Variants in PRR14L observed in about 807,000 individuals in gnomAD.
PRR14L encodes proline rich 14 like.
PRR14L carries 80 observed loss-of-function variants against 155.0 expected under a neutral mutation model. The observed-to-expected ratio is 0.52, with a 90% CI of 0.43 to 0.62. The LOEUF (loss-of-function observed/expected upper bound fraction) is 0.62. Among genes scored for constraint, PRR14L ranks in the 20% least tolerant of loss-of-function variants. PRR14L has a pLI of 0.00. For synonymous variants in PRR14L, 883 were observed against 916.0 expected (o/e 0.96, Z 0.65); for missense variants, 2,469 against 2,548.0 (o/e 0.97, Z 0.67).
In PRR14L at chr22:31,714,525, T is replaced by A. The variant is rs1455182897; in HGVS notation, c.3314A>T (p.His1105Leu). ...TLSRRELDAA[H>L]TGTTGQDSDF... Reference sequence around the variant, plus strand: ...TGAATCCTGACCAGTTGTTCCTGTATGTGCAGCATCCAGTTCTCTCCGAGA... The same window carrying A: ...TGAATCCTGACCAGTTGTTCCTGTAAGTGCAGCATCCAGTTCTCTCCGAGA... The change falls in exon 4 of 9, where the codon CAT becomes CTT. Residue 1105 changes from histidine to leucine, a missense_variant. Physicochemically the swap from His to Leu is moderately conservative, Grantham distance 99. Around this residue, in one of 2 missense-constraint regions of PRR14L, gnomAD observed 2,363 missense variants for 2,371.6 expected, o/e 1.00. Coordinates refer to ENST00000327423, the MANE Select transcript of PRR14L (RefSeq NM_173566.3). 1.3e-6 allele frequency: 2 copies of A among 1,552,082 alleles called. No homozygotes were observed. Among genetic ancestry groups the A allele is most frequent in the African/African-American group, 2.7e-5 (2 of 73,078 alleles).
intron 1 of PRR14L, among the ~76,000 whole-genome samples, chr22:31,742,126 C>T (rs1006101428): frequency 3.9e-5 from 6 of 152,106 alleles, no homozygotes; most frequent in African/African-American, 1.2e-4. Flanking sequence ...CCAGTTTTCA[C>T]CTGTCACAGC....
intron 6 of PRR14L, among the ~76,000 whole-genome samples, chr22:31,703,341 C>A (rs2074572603): frequency 6.6e-6 from 1 of 152,208 alleles, no homozygotes; most frequent in South Asian, 2.1e-4. Flanking sequence ...AAAAAAGTAT[C>A]TGGAAAACAA....
intron 7 of PRR14L, among the ~76,000 whole-genome samples, chr22:31,698,866 G>A (rs1298052690): frequency 6.6e-6 from 1 of 151,154 alleles, no homozygotes. Context: ...AGCTTGCAGT[G>A]AGCCGAGATC....
chr22:31,731,199 A>C (rs2074747116), intron 2 of PRR14L, among the ~76,000 whole-genome samples: 1 of 152,122 alleles, frequency 6.6e-6, no homozygotes, highest in Non-Finnish European at 1.5e-5. Flanking sequence ...CATTGCTACA[A>C]GGTGTCTGTT....
At position 31,716,610 on chromosome 22, in the gene PRR14L, C is replaced by G. The variant is rs755498148; in HGVS notation, c.1229G>C (p.Gly410Ala). ...CCTGGCATTAAAAAGAAAAGGTCCA[C>G]CTCTTTCACTCCTAGGAATCAAAAG... ...ERLLIPRSER[G>A]GPFLFNAREP... The change falls in exon 4 of 9, where the codon GGT becomes GCT. Residue 410 changes from glycine to alanine, a missense_variant. Physicochemically the swap from Gly to Ala is moderately conservative, Grantham distance 60. Transcript: ENST00000327423. The G allele has an allele frequency of 3.8e-5, 59 of 1,551,610 alleles. No homozygotes were observed. The highest frequency in any genetic ancestry group is 3.3e-4 in the Middle Eastern group (2 of 6,016).
chr22:31,742,630 G>A (rs1054123925), intron 1 of PRR14L, among the ~76,000 whole-genome samples: 5 of 152,132 alleles, frequency 3.3e-5, no homozygotes, highest in African/African-American at 7.2e-5. Context: ...GCCTCCCAAA[G>A]TGCTGGGATT....
Position 31,738,253 on chromosome 22 carries a change from A to G in PRR14L, c.474+134T>C. The G allele has an allele frequency of 7.8e-6, 6 of 765,782 alleles. No individual in the cohort carries two copies. In the South Asian group the frequency reaches 1.2e-4, roughly 15 times the overall value. The allele number at this position is 765,782 out of a possible 1,614,324, so 47.4% of individuals were successfully genotyped here. ...AAATGTTTTAAAAGATCATCAAAAC[A>G]AAGTTAACTTCAAAATCGACATTTC... On this transcript the variant is annotated intron_variant, in intron 2 of 8. Transcript: ENST00000327423.
rs932974213 is a variant in PRR14L, at chr22:31,714,993, A to T, written c.2846T>A (p.Met949Lys). ...TTTTACATTTTTAAAACTGGAGAAC[A>T]TAACAGTAGGAGACTGGTCCAACAC... ...EKVLDQSPTVMFSSFKNVKSV... is the reference protein window; with the variant it reads ...EKVLDQSPTVKFSSFKNVKSV... The change falls in exon 4 of 9, where the codon ATG becomes AAG. Residue 949 changes from methionine (M) to lysine (K), a missense_variant. By Grantham distance (95) the Met-to-Lys change is moderately conservative (BLOSUM62 -1). This residue lies in a region of PRR14L where 2,363 missense variants were observed against 2,371.6 expected (regional missense o/e 1.00). Transcript: ENST00000327423. The T allele has an allele frequency of 2.6e-6, 4 of 1,552,186 alleles. No individual in the cohort carries two copies.
chr22:31,740,394 A>G (rs138281), intron 1 of PRR14L, among the ~76,000 whole-genome samples: 53,224 of 151,952 alleles, frequency 0.35, 11,358 homozygotes, highest in Middle Eastern at 0.54. Context: ...TAATTTTTGT[A>G]TTTTTAGTAG....
chr22:31,698,299 A>T (rs1002455343), intron 7 of PRR14L, among the ~76,000 whole-genome samples: 3 of 148,840 alleles, frequency 2.0e-5, no homozygotes, highest in Admixed American at 2.0e-4. Flanking sequence ...TGCTGTGATT[A>T]CAGGCATGAG....
In PRR14L at chr22:31,690,796, C is replaced by T. The variant is rs968603352; in HGVS notation, c.6108-2569G>A. On this transcript the variant is annotated intron_variant, in intron 7 of 8. Coordinates refer to ENST00000327423, the MANE Select transcript of PRR14L (RefSeq NM_173566.3). ...AGCTGGGACTACAGGCATGCACCAC[C>T]ATGCCCAGATAATTTTTGTATTTTT... is the stretch of plus-strand genomic sequence containing the variant. Among the ~76,000 whole-genome samples, 7 of 151,918 alleles carry T rather than the reference C, an allele frequency of 4.6e-5. 1 individual carries two copies. The highest frequency in any genetic ancestry group is 2.0e-4 in the Admixed American group (3 of 15,224).
chr22:31,709,152 A>G (rs1182502913), intron 4 of PRR14L, among the ~76,000 whole-genome samples: 1 of 152,040 alleles, frequency 6.6e-6, no homozygotes, highest in Non-Finnish European at 1.5e-5. Flanking sequence ...TAGGTTGCCC[A>G]GGCTGGTCTT....
At chr22:31,719,910 T>C (rs933069994) in intron 3 of PRR14L, among the ~76,000 whole-genome samples, 1 of 152,084 alleles carries the variant, frequency 6.6e-6, no homozygotes, top group African/African-American at 2.4e-5. Context: ...CTAATTTTTG[T>C]ACTTTTTGTA....
chr22:31,712,809 C>A lies in PRR14L; in HGVS notation c.5030G>T (p.Ser1677Ile). The A allele has an allele frequency of 6.4e-7, 1 of 1,552,166 alleles. No homozygotes were observed. The highest frequency in any genetic ancestry group is 8.7e-7 in the Non-Finnish European group (1 of 1,147,092). ...ACTGTTAGGCCTCTTATCCCATCCA[C>A]TAGCTGCCAAATATGGATTCAGCTG... ...TEQLNPYLAASGWDKRPNSKP... is the reference protein window; with the variant it reads ...TEQLNPYLAAIGWDKRPNSKP... Residue 1677 changes from serine to isoleucine, a missense_variant, in exon 4 of 9, where the codon AGT becomes ATT. Physicochemically the swap from Ser to Ile is moderately radical, Grantham distance 142. Transcript: ENST00000327423.
chr22:31,694,850 C>T (rs1241350183), intron 7 of PRR14L, among the ~76,000 whole-genome samples: 1 of 150,562 alleles, frequency 6.6e-6, no homozygotes, highest in Non-Finnish European at 1.5e-5. Flanking sequence ...ACTTTGAGGC[C>T]GAGATGGGCG....
chr22:31,689,280 C>G (rs772775330), intron 7 of PRR14L, among the ~76,000 whole-genome samples: 2 of 151,986 alleles, frequency 1.3e-5, no homozygotes, highest in Non-Finnish European at 2.9e-5. Flanking sequence ...CCCAAGAGTT[C>G]GAGACCAGCC....
intron 2 of PRR14L, among the ~76,000 whole-genome samples, chr22:31,731,416 T>G (rs2074748905): frequency 6.6e-6 from 1 of 150,972 alleles, no homozygotes; most frequent in Admixed American, 6.6e-5. Context: ...TACAAAAAAT[T>G]AGTTAGCCAG....
Position 31,716,282 on chromosome 22 carries a change from T to C in PRR14L, c.1557A>G (p.Glu519=). 6.4e-7 allele frequency: 1 copy of C among 1,551,692 alleles called. No homozygotes were observed. The highest frequency in any genetic ancestry group is 8.7e-7 in the Non-Finnish European group (1 of 1,146,972). Residue 519 remains glutamate (E), a synonymous_variant, in exon 4 of 9, where the codon GAA becomes GAG. Transcript: ENST00000327423. ...CTACAGGGGTTGTCTGTCCTGCCTC[T>C]TCAATCTGCATCAAGGAGGAAAAAC... is the stretch of plus-strand genomic sequence containing the variant. ...ESSFSSLMQI[E]EAGQTTPVEP...
At chr22:31,732,788 TCACTC>T (rs1212847898) in intron 2 of PRR14L, among the ~76,000 whole-genome samples, 1 of 152,144 alleles carries the variant, frequency 6.6e-6, no homozygotes, top group African/African-American at 2.4e-5. Flanking sequence ...CACCTGGAAA[TCACTC>T]CATATCAGTA....
Sources: allele counts gnomAD v4.1 joint callset (sites outside exome capture counted in the v4.1 genomes callset), GRCh38; gene constraint gnomAD v4.1.1; regional missense constraint gnomAD v4.1.1; transcripts MANE v1.5; gene names NCBI Gene and HGNC (gene_info 2026-07-23, HGNC 2026-07-21).